CDK14: variants seen among roughly 807,000 people sequenced by gnomAD.
The protein encoded by CDK14 is cyclin dependent kinase 14, also known as cyclin-dependent kinase 14.
Under a neutral mutation model 60.7 loss-of-function variants are expected in CDK14, and 34 were observed. That is an observed-to-expected ratio of 0.56 (90% CI 0.43 to 0.75). The LOEUF (loss-of-function observed/expected upper bound fraction) is 0.75, where lower values mean the gene tolerates loss of function less well. Ranked by LOEUF, CDK14 falls within the 30% of genes least tolerant of loss-of-function variation. CDK14 has a pLI of 0.00. For synonymous variants in CDK14, 197 were observed against 203.7 expected, an observed-to-expected ratio of 0.97 and a Z score of 0.28; for missense variants, 482 against 564.1, an observed-to-expected ratio of 0.85 and a Z score of 1.47.
At chr7:90,622,500 T>C (rs1390673514) in intron 2 of CDK14, among the ~76,000 whole-genome samples, 2 of 152,220 alleles carry the variant, frequency 1.3e-5, no homozygotes, top group Admixed American at 6.5e-5. Flanking sequence ...AAAGTTGTGA[T>C]CCCTGAGCAC....
At chr7:90,836,394 A>G (rs1219854497) in intron 5 of CDK14, among the ~76,000 whole-genome samples, 1 of 152,166 alleles carries the variant, frequency 6.6e-6, no homozygotes, top group African/African-American at 2.4e-5. Context: ...TTAAAAACCA[A>G]TACACAAACA....
intron 14 of CDK14, among the ~76,000 whole-genome samples, chr7:91,145,240 A>G (rs147956636): frequency 5.9e-5 from 9 of 152,308 alleles, no homozygotes; most frequent in African/African-American, 1.7e-4. Context: ...CGATTGAGCA[A>G]TCTCACTGCG....
chr7:91,088,561 T>TTA (rs1000227694), intron 12 of CDK14, among the ~76,000 whole-genome samples: 2 of 142,258 alleles, frequency 1.4e-5, no homozygotes, highest in Non-Finnish European at 3.0e-5. Flanking sequence ...CTCATAGAGT[T>TTA]TATATATATG....
At chr7:90,949,671 C>T (rs1431098218) in intron 8 of CDK14, among the ~76,000 whole-genome samples, 4 of 151,876 alleles carry the variant, frequency 2.6e-5, no homozygotes, top group East Asian at 1.9e-4. Flanking sequence ...CAAAGAATAC[C>T]CTTATTCAGT....
At chr7:90,789,390 A>G (rs2116962269) in intron 4 of CDK14, among the ~76,000 whole-genome samples, 1 of 152,220 alleles carries the variant, frequency 6.6e-6, no homozygotes, top group South Asian at 2.1e-4. Context: ...TATATATGTA[A>G]GTCTATATAT....
intron 11 of CDK14, among the ~76,000 whole-genome samples, chr7:91,051,144 C>T (rs1797379737): frequency 6.6e-6 from 1 of 152,100 alleles, no homozygotes; most frequent in South Asian, 2.1e-4. Flanking sequence ...CTCTTTTTAA[C>T]AACCAGATCT....
intron 7 of CDK14, among the ~76,000 whole-genome samples, chr7:90,908,224 G>A (rs1385771811): frequency 6.6e-6 from 1 of 152,062 alleles, no homozygotes; most frequent in African/African-American, 2.4e-5. Context: ...CTCTTATTGT[G>A]TTAGACATTC....
intron 5 of CDK14, among the ~76,000 whole-genome samples, chr7:90,801,046 T>G (rs1451479499): frequency 6.6e-6 from 1 of 152,224 alleles, no homozygotes. Flanking sequence ...TAGCTAATTA[T>G]GTCTGCAAAG....
intron 14 of CDK14, among the ~76,000 whole-genome samples, chr7:91,174,421 C>T (rs1162161862): frequency 1.3e-5 from 2 of 151,232 alleles, no homozygotes; most frequent in East Asian, 1.9e-4. Flanking sequence ...CAAAGGAACA[C>T]AGTTCCTCAC....
In CDK14 at chr7:91,207,501, A is replaced by T. The variant is rs1217085141; in HGVS notation, c.*365A>T. On this transcript the variant is annotated 3_prime_UTR_variant, in exon 15 of 15. Coordinates refer to ENST00000380050, the MANE Select transcript of CDK14 (RefSeq NM_001287135.2). The stretch of plus-strand genomic sequence containing the variant: ...TTATGCTTTCACCAGCCATGTCTTA[A>T]ATACATTAAGACAACACATTTGGTG... The T allele has an allele frequency of 6.6e-6, 1 of 152,668 alleles. No individual in the cohort carries two copies. The highest frequency in any genetic ancestry group is 6.5e-5 in the Admixed American group (1 of 15,284). 9.5% of individuals were successfully genotyped at this position (152,668 alleles called of 1,614,324 possible).
chr7:90,997,927 C>CTACTGCT (rs538970263), intron 10 of CDK14, among the ~76,000 whole-genome samples: 116 of 152,194 alleles, frequency 7.6e-4, no homozygotes, highest in African/African-American at 2.6e-3. Flanking sequence ...AATGTTCTTT[C>CTACTGCT]TACTGCTTAG....
chr7:90,937,985 G>A (rs545046012), intron 8 of CDK14, among the ~76,000 whole-genome samples: 31 of 152,310 alleles, frequency 2.0e-4, no homozygotes, highest in Admixed American at 1.0e-3. Context: ...CCTACAAAGC[G>A]TAGCTAGAGT....
At chr7:90,932,512 A>G (rs1169598562) in intron 8 of CDK14, among the ~76,000 whole-genome samples, 4 of 152,116 alleles carry the variant, frequency 2.6e-5, no homozygotes, top group African/African-American at 9.7e-5. Flanking sequence ...TAATGATTAA[A>G]AGCTCTTGGT....
intron 10 of CDK14, among the ~76,000 whole-genome samples, chr7:90,986,880 T>G (rs535819778): frequency 1.0e-3 from 157 of 152,096 alleles, no homozygotes; most frequent in Admixed American, 4.8e-3. Context: ...ACTTGTCAAA[T>G]TACTGATTTA....
At chr7:90,720,555 C>A (rs1802411758) in intron 2 of CDK14, among the ~76,000 whole-genome samples, 1 of 152,016 alleles carries the variant, frequency 6.6e-6, no homozygotes, top group Non-Finnish European at 1.5e-5. Flanking sequence ...AATTAAATTC[C>A]CTTAATGTCA....
At chr7:91,199,617 G>T (rs1802654411) in intron 14 of CDK14, among the ~76,000 whole-genome samples, 1 of 152,142 alleles carries the variant, frequency 6.6e-6, no homozygotes, top group Non-Finnish European at 1.5e-5. Context: ...GTTGATAATG[G>T]TGATTATTAA....
rs190055618 is a variant in CDK14 at position 91,061,178 on chromosome 7, C to T, written c.1105+15218C>T. 2.0e-4 allele frequency among the ~76,000 whole-genome samples: 30 copies of T among 152,322 alleles called. No homozygotes were observed. The East Asian group carries it at 5.4e-3, about 27-fold the overall frequency. On this transcript the variant is annotated intron_variant, in intron 11 of 14. Coordinates refer to ENST00000380050, the MANE Select transcript of CDK14 (RefSeq NM_001287135.2). ...TCTTCAGTCACTGATACCCTTTCTT[C>T]CAGTTGATCGAATCGGCTACTGAGG...
chr7:90,641,920 C>T (rs1800347401), intron 2 of CDK14, among the ~76,000 whole-genome samples: 1 of 152,126 alleles, frequency 6.6e-6, no homozygotes. Flanking sequence ...CACATGGTGG[C>T]AGACAAGAGA....
intron 6 of CDK14, among the ~76,000 whole-genome samples, chr7:90,876,507 C>A (rs1409344894): frequency 1.3e-5 from 2 of 152,250 alleles, no homozygotes; most frequent in African/African-American, 4.8e-5. Flanking sequence ...ACTTTCAACT[C>A]ATGCCCACTT....
Sources: allele counts gnomAD v4.1 joint callset (sites outside exome capture counted in the v4.1 genomes callset), GRCh38; gene constraint gnomAD v4.1.1; transcripts MANE v1.5; gene names NCBI Gene and HGNC (gene_info 2026-07-23, HGNC 2026-07-21).